Variants in CTNNA3 observed in about 807,000 individuals in gnomAD.
The protein encoded by CTNNA3 is catenin alpha 3, also known as catenin alpha-3.
CTNNA3 carries 76 observed loss-of-function variants against 95.7 expected under a neutral mutation model. The ratio of observed to expected loss-of-function variants is 0.79; its 90% CI spans 0.66 to 0.96. CTNNA3 has a LOEUF of 0.96. Among genes scored for constraint, CTNNA3 ranks in the 40% least tolerant of loss-of-function variants. CTNNA3 has a pLI of 0.00. For missense variants in CTNNA3, 1,191 were observed against 1,089.8 expected (o/e 1.09, Z -1.31); for synonymous variants, 431 against 374.4 (o/e 1.15, Z -1.74).
chr10:66,793,111 AT>A (rs1213468618), intron 7 of CTNNA3, among the ~76,000 whole-genome samples: 1 of 152,002 alleles, frequency 6.6e-6, no homozygotes, highest in East Asian at 1.9e-4. Context: ...CACAGGTGTA[AT>A]GAGGTTTTGG....
intron 7 of CTNNA3, among the ~76,000 whole-genome samples, chr10:66,868,845 C>T (rs1010133194): frequency 6.6e-6 from 1 of 151,726 alleles, no homozygotes; most frequent in African/African-American, 2.4e-5. Context: ...GCACTTGACA[C>T]TATGAAGCAT....
At chr10:66,223,616 A>G (rs185129614) in intron 13 of CTNNA3, among the ~76,000 whole-genome samples, 18 of 152,328 alleles carry the variant, frequency 1.2e-4, no homozygotes, top group Middle Eastern at 3.4e-3. Context: ...CACTGATAAG[A>G]CATCATAAGA....
chr10:66,165,957 G>C (rs1293349234), intron 13 of CTNNA3, among the ~76,000 whole-genome samples: 2 of 151,634 alleles, frequency 1.3e-5, no homozygotes, highest in Non-Finnish European at 2.9e-5. Flanking sequence ...CAGTAGAGAT[G>C]GGGTTTCACC....
chr10:66,548,953 G>T (rs998702980), intron 10 of CTNNA3, among the ~76,000 whole-genome samples: 6 of 146,480 alleles, frequency 4.1e-5, no homozygotes, highest in African/African-American at 1.5e-4. Flanking sequence ...AATTATTCTG[G>T]CTTAAAATAT....
At chr10:66,116,716 T>A (rs35745086) in intron 13 of CTNNA3, among the ~76,000 whole-genome samples, 11,214 of 152,180 alleles carry the variant, frequency 0.074, 515 homozygotes, top group Admixed American at 0.12. Flanking sequence ...TTTAATCGAC[T>A]CACAATTCCA....
intron 1 of CTNNA3, chr10:67,750,655 A>G (rs892156298): frequency 6.5e-7 from 1 of 1,546,012 alleles, no homozygotes; most frequent in African/African-American, 1.4e-5. Flanking sequence ...TTTTTTCCGC[A>G]AAGATGATAA....
chr10:66,030,402 T>C (rs2133454612), intron 15 of CTNNA3, among the ~76,000 whole-genome samples: 1 of 152,120 alleles, frequency 6.6e-6, no homozygotes, highest in East Asian at 1.9e-4. Flanking sequence ...GAAATAAAGG[T>C]GAGCATCTAC....
intron 10 of CTNNA3, among the ~76,000 whole-genome samples, chr10:66,607,161 C>T (rs1257608760): frequency 6.6e-6 from 1 of 151,914 alleles, no homozygotes; most frequent in Non-Finnish European, 1.5e-5. Flanking sequence ...CCTCTACGCA[C>T]ATAAACTAGC....
intron 10 of CTNNA3, among the ~76,000 whole-genome samples, chr10:66,523,668 C>T (rs1841149200): frequency 6.6e-6 from 1 of 151,882 alleles, no homozygotes; most frequent in Non-Finnish European, 1.5e-5. Context: ...GTCACTTGAC[C>T]CTGATAATTA....
At chr10:66,306,071 A>G (rs2132242564) in intron 12 of CTNNA3, among the ~76,000 whole-genome samples, 1 of 152,334 alleles carries the variant, frequency 6.6e-6, no homozygotes, top group East Asian at 1.9e-4. Flanking sequence ...TTCCAAGCAA[A>G]TAATAAAAAA....
At chr10:66,521,182 T>C (rs933459210) in intron 10 of CTNNA3, among the ~76,000 whole-genome samples, 2 of 151,476 alleles carry the variant, frequency 1.3e-5, no homozygotes, top group Non-Finnish European at 2.9e-5. Flanking sequence ...TATTTATTAG[T>C]ATAAATTATA....
At chr10:67,583,705 G>A (rs942535393) in intron 3 of CTNNA3, among the ~76,000 whole-genome samples, 11 of 152,168 alleles carry the variant, frequency 7.2e-5, no homozygotes, top group South Asian at 2.1e-4. Context: ...CCAATCAGAC[G>A]TAGATGTGGT....
chr10:67,377,746 C>A (rs755497329), intron 5 of CTNNA3, among the ~76,000 whole-genome samples: 7 of 152,136 alleles, frequency 4.6e-5, no homozygotes, highest in Non-Finnish European at 8.8e-5. Flanking sequence ...TATCTACCAT[C>A]TAAAACATTT....
rs60989399 is a variant in CTNNA3, at chr10:66,113,868, C to T, written c.1885-10619G>A. On this transcript the variant is annotated intron_variant, in intron 13 of 17. Transcript: ENST00000433211. ...TGTAGGATGATGTGAGGGTTCTTCACGCACAGCAATTGCTGATGCCATTGA... is the reference window on the plus strand; with the variant it reads ...TGTAGGATGATGTGAGGGTTCTTCATGCACAGCAATTGCTGATGCCATTGA... 1.0e-2 allele frequency among the ~76,000 whole-genome samples: 1,514 copies of T among 152,148 alleles called. 37 individuals are homozygous for T. Among genetic ancestry groups the T allele is most frequent in the African/African-American group, 0.035 (1,438 of 41,498 alleles).
chr10:66,914,003 C>T (rs901566139), intron 7 of CTNNA3, among the ~76,000 whole-genome samples: 2 of 152,090 alleles, frequency 1.3e-5, no homozygotes, highest in Non-Finnish European at 2.9e-5. Context: ...CATGTAGGAG[C>T]GGTTGGCAGT....
intron 15 of CTNNA3, among the ~76,000 whole-genome samples, chr10:66,053,381 TGGG>T (rs1168113469): frequency 2.0e-5 from 3 of 152,068 alleles, no homozygotes; most frequent in Non-Finnish European, 2.9e-5. Flanking sequence ...TTAAATTTTG[TGGG>T]TACATAGTAG....
At chr10:67,185,180 G>A (rs565693574) in intron 6 of CTNNA3, among the ~76,000 whole-genome samples, 1 of 151,896 alleles carries the variant, frequency 6.6e-6, no homozygotes, top group South Asian at 2.1e-4. Flanking sequence ...CCAGGCTTGA[G>A]TGCAGTGGCG....
At chr10:66,566,238 T>A (rs1842701051) in intron 10 of CTNNA3, among the ~76,000 whole-genome samples, 1 of 152,100 alleles carries the variant, frequency 6.6e-6, no homozygotes, top group South Asian at 2.1e-4. Flanking sequence ...GTGATAGGAC[T>A]TGGAGAAATG....
intron 13 of CTNNA3, among the ~76,000 whole-genome samples, chr10:66,225,390 AATATATATATATAT>A (rs3053735): frequency 1.3e-4 from 17 of 125,970 alleles, no homozygotes; most frequent in African/African-American, 3.7e-4. Flanking sequence ...ATTTTATTCA[AATATATATATATAT>A]ATATATATAT....
Sources: allele counts gnomAD v4.1 joint callset (sites outside exome capture counted in the v4.1 genomes callset), GRCh38; gene constraint gnomAD v4.1.1; transcripts MANE v1.5; gene names NCBI Gene and HGNC (gene_info 2026-07-23, HGNC 2026-07-21).